Variants in STK3 observed in about 807,000 individuals in gnomAD.
STK3 encodes serine/threonine-protein kinase 3.
A neutral mutation model predicts 58.0 loss-of-function variants in STK3; 41 were observed. That is an observed-to-expected ratio of 0.71 (90% CI 0.55 to 0.92). STK3 has a LOEUF of 0.92. Ranked by LOEUF, STK3 falls within the 40% of genes least tolerant of loss-of-function variation. STK3 has a pLI of 0.00. For synonymous variants in STK3, 170 were observed against 191.0 expected (o/e 0.89, Z 0.91); for missense variants, 479 against 602.7 (o/e 0.79, Z 2.15).
At chr8:98,616,653 G>A (rs1230412705) in intron 6 of STK3, among the ~76,000 whole-genome samples, 7 of 147,882 alleles carry the variant, frequency 4.7e-5, no homozygotes, top group South Asian at 4.4e-4. Context: ...AAAGGCAGGG[G>A]TTGCAATCCT....
chr8:98,723,713 T>C (rs1167545150), intron 4 of STK3, among the ~76,000 whole-genome samples: 1 of 152,116 alleles, frequency 6.6e-6, no homozygotes, highest in Non-Finnish European at 1.5e-5. Context: ...TACAAAAAAT[T>C]AGACATACGC....
chr8:98,487,654 C>T (rs1457062006), intron 10 of STK3, among the ~76,000 whole-genome samples: 1 of 152,158 alleles, frequency 6.6e-6, no homozygotes, highest in Non-Finnish European at 1.5e-5. Context: ...AAGTTGCCTT[C>T]ATTTTTAACT....
At chr8:98,799,380 CAG>C in intron 1 of STK3, among the ~76,000 whole-genome samples, 1 of 151,456 alleles carries the variant, frequency 6.6e-6, no homozygotes, top group East Asian at 1.9e-4. Context: ...GAGACAAAGT[CAG>C]AGAGACACAG....
intron 1 of STK3, among the ~76,000 whole-genome samples, chr8:98,386,160 G>A (rs1817789713): frequency 6.6e-6 from 1 of 152,060 alleles, no homozygotes; most frequent in Admixed American, 6.6e-5. Flanking sequence ...GAAATTTATC[G>A]ATACCTACTA....
intron 8 of STK3, among the ~76,000 whole-genome samples, chr8:98,571,278 C>T (rs563421416): frequency 1.3e-5 from 2 of 151,938 alleles, no homozygotes; most frequent in African/African-American, 2.4e-5. Context: ...TGCAGTAAGC[C>T]GGGGATCACG....
chr8:98,555,658 GA>G (rs1389062679), intron 8 of STK3, among the ~76,000 whole-genome samples: 1 of 151,884 alleles, frequency 6.6e-6, no homozygotes, highest in African/African-American at 2.4e-5. Flanking sequence ...ATATTCTTCA[GA>G]AAAAAACGTG....
intron 6 of STK3, chr8:98,598,318 TCTAA>T (rs1286931964): frequency 2.0e-5 from 20 of 985,192 alleles, no homozygotes; most frequent in Non-Finnish European, 2.3e-5. Flanking sequence ...AAAGCTTAAC[TCTAA>T]CTCTTATTTA....
At chr8:98,891,626 T>TGAGA (rs56830700) in intron 1 of STK3, among the ~76,000 whole-genome samples, 3,241 of 148,412 alleles carry the variant, frequency 0.022, 105 homozygotes, top group African/African-American at 0.071. Flanking sequence ...TGTGTGTGTG[T>TGAGA]GAGAGAGAGA....
At chr8:98,728,488 T>G (rs1827946349) in intron 4 of STK3, among the ~76,000 whole-genome samples, 1 of 152,170 alleles carries the variant, frequency 6.6e-6, no homozygotes, top group Non-Finnish European at 1.5e-5. Flanking sequence ...TTTCACTACT[T>G]ACACCATATG....
chr8:98,883,648 T>A, downstream of STK3: 1 of 702,998 alleles, frequency 1.4e-6, no homozygotes, highest in Non-Finnish European at 2.6e-6. Context: ...TTTCTTTACC[T>A]GTCTTGCTTG....
At chr8:98,661,200 T>C (rs1239049242) in intron 6 of STK3, among the ~76,000 whole-genome samples, 1 of 151,452 alleles carries the variant, frequency 6.6e-6, no homozygotes, top group Middle Eastern at 3.2e-3. Context: ...AGAAGTACGT[T>C]TTATATTTCA....
intron 1 of STK3, among the ~76,000 whole-genome samples, chr8:98,443,477 G>A (rs1210692478): frequency 6.6e-6 from 1 of 152,168 alleles, no homozygotes; most frequent in African/African-American, 2.4e-5. Flanking sequence ...ACATAGTGAT[G>A]AGCAAGATAG....
At chr8:98,635,143 G>T (rs1819530814) in intron 6 of STK3, among the ~76,000 whole-genome samples, 1 of 152,046 alleles carries the variant, frequency 6.6e-6, no homozygotes, top group Admixed American at 6.5e-5. Flanking sequence ...CAAAGTTCAG[G>T]CATATGTATA....
rs562841538 is a variant in STK3 at position 98,547,119 on chromosome 8, C to T, written c.1141+850G>A. ...CTACAATGCTAGAAGTCATGTAATT[C>T]TGCTGTTCTGCCATGGAGAGGCAAT... On this transcript the variant is annotated intron_variant, in intron 9 of 10. Coordinates refer to ENST00000419617, the MANE Select transcript of STK3 (RefSeq NM_006281.4). Among the ~76,000 whole-genome samples the T allele has an allele frequency of 2.2e-4, 33 of 152,284 alleles. 1 individual carries two copies. The highest frequency in any genetic ancestry group is 7.9e-4 in the African/African-American group (33 of 41,556).
chr8:98,582,329 A>AAT (rs993883472), intron 7 of STK3, among the ~76,000 whole-genome samples: 22 of 151,448 alleles, frequency 1.5e-4, no homozygotes, highest in South Asian at 4.2e-4. Context: ...GCCTGACATA[A>AAT]ATATATATAT....
intron 6 of STK3, among the ~76,000 whole-genome samples, chr8:98,657,865 T>C (rs910474552): frequency 5.3e-5 from 8 of 152,156 alleles, no homozygotes; most frequent in Admixed American, 5.2e-4. Context: ...ACCACCCCTA[T>C]GTACCAATAC....
intron 10 of STK3, among the ~76,000 whole-genome samples, chr8:98,491,366 AT>A (rs1483724825): frequency 1.3e-5 from 2 of 151,948 alleles, no homozygotes; most frequent in African/African-American, 4.8e-5. Flanking sequence ...GTATAAAAAC[AT>A]TTTCATTTCA....
chr8:98,803,593 C>CAAAAAAAAAAAAAAAAAA (rs34316563), intron 1 of STK3, among the ~76,000 whole-genome samples: 2 of 38,856 alleles, frequency 5.1e-5, no homozygotes, highest in African/African-American at 1.3e-4. Flanking sequence ...GACTCTGTTT[C>CAAAAAAAAAAAAAAAAAA]AAAAAAAAAA....
intron 6 of STK3, among the ~76,000 whole-genome samples, chr8:98,629,084 T>C (rs1291063059): frequency 3.9e-5 from 6 of 152,184 alleles, no homozygotes; most frequent in Admixed American, 3.9e-4. Context: ...ATACCAATTC[T>C]CTTTTCCCCC....
Sources: gnomAD v4.1 joint callset for allele counts (sites outside exome capture counted in the v4.1 genomes callset) on GRCh38, gnomAD v4.1.1 for gene constraint, MANE v1.5 for transcripts, NCBI Gene and HGNC (gene_info 2026-07-23, HGNC 2026-07-21) for gene names.